The following EPM2A variants were observed in gnomAD, a reference collection of about 807,000 sequenced individuals.
The protein encoded by EPM2A is laforin.
Under a neutral mutation model 26.5 loss-of-function variants are expected in EPM2A, and 21 were observed. The observed-to-expected ratio is 0.79, with a 90% CI of 0.56 to 1.14. The LOEUF is 1.14. Among genes scored for constraint, EPM2A ranks in the 50% most tolerant of loss-of-function variants. The probability of loss-of-function intolerance (pLI) is 0.00; values close to 1 mark genes in which losing one functional copy is unlikely to be tolerated. For synonymous variants in EPM2A, 217 were observed against 177.6 expected, an observed-to-expected ratio of 1.22 and a Z score of -1.76; for missense variants, 458 against 440.8, an observed-to-expected ratio of 1.04 and a Z score of -0.35.
At chr6:145,661,092 G>A (rs1364654689) in intron 2 of EPM2A, among the ~76,000 whole-genome samples, 1 of 152,118 alleles carries the variant, frequency 6.6e-6, no homozygotes, top group Non-Finnish European at 1.5e-5. Flanking sequence ...TCGGGTGCGG[G>A]TCCGAGAAAG....
chr6:145,581,992 C>A (rs1030604963), intron 2 of EPM2A, among the ~76,000 whole-genome samples: 3 of 151,886 alleles, frequency 2.0e-5, no homozygotes, highest in Non-Finnish European at 4.4e-5. Context: ...TTTTGTATTT[C>A]TCTGGGGTCA....
At chr6:145,534,159 A>G (rs115872839) in intron 2 of EPM2A, among the ~76,000 whole-genome samples, 3,407 of 152,280 alleles carry the variant, frequency 0.022, 45 homozygotes, top group Admixed American at 0.031. Context: ...ACTCACAGAT[A>G]ATCTTTGTGC....
intron 2 of EPM2A, among the ~76,000 whole-genome samples, chr6:145,505,413 G>T (rs1007777614): frequency 6.0e-5 from 9 of 151,154 alleles, no homozygotes; most frequent in Non-Finnish European, 1.3e-4. Context: ...ACACAAATAT[G>T]TATGTATATA....
intron 1 of EPM2A, among the ~76,000 whole-genome samples, chr6:145,687,753 T>G (rs893486666): frequency 6.6e-6 from 1 of 152,204 alleles, no homozygotes; most frequent in Non-Finnish European, 1.5e-5. Flanking sequence ...ATATAACTCC[T>G]TCCATCAGAC....
intron 1 of EPM2A, among the ~76,000 whole-genome samples, chr6:145,693,809 A>G (rs1781415445): frequency 6.6e-6 from 1 of 152,034 alleles, no homozygotes; most frequent in South Asian, 2.1e-4. Context: ...ATTAACAAAA[A>G]CATCTATTTC....
intron 2 of EPM2A, among the ~76,000 whole-genome samples, chr6:145,525,407 T>A (rs1780257796): frequency 6.6e-6 from 1 of 151,444 alleles, no homozygotes; most frequent in South Asian, 2.1e-4. Context: ...ATGTCCATTT[T>A]AATGATATTG....
chr6:145,734,131 A>C (rs1449261645), intron 1 of EPM2A, among the ~76,000 whole-genome samples: 3 of 152,244 alleles, frequency 2.0e-5, no homozygotes, highest in African/African-American at 7.2e-5. Context: ...CGAATGTTCA[A>C]AGATATCTGT....
At chr6:145,445,948 C>A (rs1195418201) in intron 4 of EPM2A, among the ~76,000 whole-genome samples, 1 of 152,102 alleles carries the variant, frequency 6.6e-6, no homozygotes, top group Non-Finnish European at 1.5e-5. Context: ...ACACCTTCTG[C>A]CTGACTCTTT....
chr6:145,666,837 A>C lies in EPM2A; in HGVS notation c.476+19285T>G, dbSNP rs75774699. ...AGAGTTATAGATCAATGGAACAGAAAAGAGCCCTCAGAAATAACACCGCAT... is the reference window on the plus strand; with the variant it reads ...AGAGTTATAGATCAATGGAACAGAACAGAGCCCTCAGAAATAACACCGCAT... On this transcript the variant is annotated intron_variant, in intron 2 of 3. Transcript: ENST00000367519. Among the ~76,000 whole-genome samples the C allele has an allele frequency of 3.8e-3, 577 of 150,410 alleles. 1 individual carries two copies. The highest frequency in any genetic ancestry group is 0.014 in the African/African-American group (564 of 39,828).
chr6:145,596,877 C>CT (rs869211299), intron 2 of EPM2A, among the ~76,000 whole-genome samples: 4,147 of 73,540 alleles, frequency 0.056, 950 homozygotes, highest in East Asian at 0.11. Flanking sequence ...TCTCCGAGAT[C>CT]TTTTTTTTTT....
intron 2 of EPM2A, among the ~76,000 whole-genome samples, chr6:145,656,586 C>G (rs1778306228): frequency 2.0e-5 from 3 of 152,092 alleles, no homozygotes; most frequent in Admixed American, 1.3e-4. Context: ...CCCTCATTAC[C>G]AGGGAAGGAT....
chr6:145,397,398 G>A (rs924753273), intron 4 of EPM2A, among the ~76,000 whole-genome samples: 1 of 152,052 alleles, frequency 6.6e-6, no homozygotes, highest in African/African-American at 2.4e-5. Flanking sequence ...GTATGATGAC[G>A]CCATTGCACT....
intron 1 of EPM2A, among the ~76,000 whole-genome samples, chr6:145,729,338 T>C (rs1776368217): frequency 6.6e-6 from 1 of 152,140 alleles, no homozygotes. Flanking sequence ...CATCAACAGC[T>C]TGCACCGTGG....
chr6:145,478,927 T>C (rs574407562), intron 4 of EPM2A, among the ~76,000 whole-genome samples: 1 of 151,788 alleles, frequency 6.6e-6, no homozygotes, highest in Non-Finnish European at 1.5e-5. Context: ...TCTTTGTATG[T>C]TATACTATGT....
chr6:145,580,463 A>C, intron 2 of EPM2A, among the ~76,000 whole-genome samples: 1 of 151,898 alleles, frequency 6.6e-6, no homozygotes, highest in Middle Eastern at 3.4e-3. Flanking sequence ...TTTTTACTAT[A>C]TCTGAATTCA....
chr6:145,572,537 C>T lies in EPM2A; in HGVS notation c.340+62708G>A, dbSNP rs184951123. On this transcript the variant is annotated intron_variant, in intron 2 of 3. Coordinates refer to the EPM2A transcript ENST00000450221. ...ATAGGCTGGTCAGGTCGCATGGTGA[C>T]GTGATGACCCATATGCAAATGTTCA... Among the ~76,000 whole-genome samples the T allele has an allele frequency of 1.6e-3, 250 of 152,296 alleles. 1 individual carries two copies. Among genetic ancestry groups the T allele is most frequent in the African/African-American group, 5.4e-3 (225 of 41,566 alleles).
intron 2 of EPM2A, among the ~76,000 whole-genome samples, chr6:145,573,761 T>C (rs1780992304): frequency 6.6e-6 from 1 of 152,138 alleles, no homozygotes; most frequent in Non-Finnish European, 1.5e-5. Flanking sequence ...CTACACAAAT[T>C]ATTCATTCTG....
At chr6:145,596,797 C>T (rs539008360) in intron 2 of EPM2A, among the ~76,000 whole-genome samples, 1 of 149,060 alleles carries the variant, frequency 6.7e-6, no homozygotes, top group East Asian at 2.0e-4. Flanking sequence ...GGACTAGATT[C>T]TCTCTAAGCC....
chr6:145,602,830 T>C (rs1162581830), intron 2 of EPM2A, among the ~76,000 whole-genome samples: 2 of 152,148 alleles, frequency 1.3e-5, no homozygotes, highest in East Asian at 1.9e-4. Flanking sequence ...CTTATTGAGA[T>C]TGGAATACCT....
Sources: allele counts gnomAD v4.1 joint callset (sites outside exome capture counted in the v4.1 genomes callset), GRCh38; gene constraint gnomAD v4.1.1; transcripts MANE v1.5; gene names NCBI Gene and HGNC (gene_info 2026-07-23, HGNC 2026-07-21).